Variants in CACNG2 observed in about 807,000 individuals in gnomAD.
CACNG2 encodes the protein voltage-dependent calcium channel gamma-2 subunit.
CACNG2 carries 3 observed loss-of-function variants against 25.9 expected under a neutral mutation model. The observed-to-expected ratio is 0.12, with a 90% CI of 0.05 to 0.30. The LOEUF (loss-of-function observed/expected upper bound fraction) is 0.30. Among genes scored for constraint, CACNG2 ranks in the 10% least tolerant of loss-of-function variants. The probability of loss-of-function intolerance (pLI) is 1.00; values close to 1 mark genes in which losing one functional copy is unlikely to be tolerated. For missense variants in CACNG2, 341 were observed against 432.5 expected, an observed-to-expected ratio of 0.79 and a Z score of 1.88; for synonymous variants, 167 against 173.3, an observed-to-expected ratio of 0.96 and a Z score of 0.29.
rs1347824246 is a variant in CACNG2, at chr22:36,564,099, A to AT, written c.*251dup. 4 of 352,876 alleles carry AT rather than the reference A, an allele frequency of 1.1e-5. No individual in the cohort carries two copies. The highest frequency in any genetic ancestry group is 2.0e-5 in the Non-Finnish European group (4 of 200,154). 21.9% of individuals were successfully genotyped at this position (352,876 alleles called of 1,614,324 possible). ...AAGTTTGTTTTCTTCCCTCGTTTATATTTTCCCACATTTCCTGTTGTTTTG... is the reference window on the plus strand; with the variant it reads ...AAGTTTGTTTTCTTCCCTCGTTTATATTTTTCCCACATTTCCTGTTGTTTTG... On this transcript the variant is annotated 3_prime_UTR_variant, in exon 4 of 4. Transcript: ENST00000300105. This position sits in a 1 kb window ranked among gnomAD's most constrained non-coding sequence, Gnocchi z 6.7.
intron 2 of CACNG2, among the ~76,000 whole-genome samples, chr22:36,575,412 T>C (rs918552150): frequency 1.3e-5 from 2 of 152,102 alleles, no homozygotes; most frequent in African/African-American, 2.4e-5. Context: ...GCCATCACGC[T>C]GTGACATGGT....
At chr22:36,625,988 C>T (rs1358694019) in intron 1 of CACNG2, among the ~76,000 whole-genome samples, 2 of 152,238 alleles carry the variant, frequency 1.3e-5, no homozygotes, top group East Asian at 1.9e-4. Context: ...GGCGAAATCT[C>T]GGCTCACTGC....
intron 1 of CACNG2, among the ~76,000 whole-genome samples, chr22:36,602,992 T>C (rs1344201652): frequency 6.6e-6 from 1 of 152,096 alleles, no homozygotes; most frequent in Non-Finnish European, 1.5e-5. Flanking sequence ...AATCAAAAGC[T>C]AGAAACAATT....
At chr22:36,594,612 G>A (rs2145927142) in intron 1 of CACNG2, among the ~76,000 whole-genome samples, 1 of 152,326 alleles carries the variant, frequency 6.6e-6, no homozygotes, top group East Asian at 1.9e-4. Flanking sequence ...CTGAGGAGGA[G>A]CAGGTGCCTG....
chr22:36,681,662 A>G (rs1256739506), intron 1 of CACNG2, among the ~76,000 whole-genome samples: 1 of 152,114 alleles, frequency 6.6e-6, no homozygotes, highest in African/African-American at 2.4e-5. Flanking sequence ...AGTAAAGTTG[A>G]CCATTTGTGT....
rs140413982 is a variant in CACNG2, at chr22:36,613,156, C to CTCTCTG, written c.212-25609_212-25608insCAGAGA. Among the ~76,000 whole-genome samples the CTCTCTG allele has an allele frequency of 8.5e-3, 1,238 of 146,214 alleles. 9 individuals carry two copies. The highest frequency in any genetic ancestry group is 0.017 in the Middle Eastern group (5 of 292). ...AAAAGTTCATTTCATTACAGGCTCT[C>CTCTCTG]TGTGTGTGTGTGTGTGTGTGTGTGT... On this transcript the variant is annotated intron_variant, in intron 1 of 3. Transcript: ENST00000300105.
intron 1 of CACNG2, among the ~76,000 whole-genome samples, chr22:36,644,547 G>A (rs759469195): frequency 6.6e-6 from 1 of 152,232 alleles, no homozygotes; most frequent in Non-Finnish European, 1.5e-5. Flanking sequence ...CAAACTGCAT[G>A]ATCAAGCTGA....
At chr22:36,593,073 C>T (rs1230483870) in intron 1 of CACNG2, among the ~76,000 whole-genome samples, 5 of 152,196 alleles carry the variant, frequency 3.3e-5, no homozygotes, top group South Asian at 2.1e-4. Context: ...CCTTGGGGAG[C>T]GAGGAGAGGA....
intron 2 of CACNG2, 97 bp from the exon 3 acceptor site, chr22:36,566,590 GT>G: frequency 7.7e-7 from 1 of 1,299,506 alleles, no homozygotes; most frequent in Non-Finnish European, 1.1e-6. Flanking sequence ...GGCGCTGGGG[GT>G]TTATGGACAC....
chr22:36,605,267 G>T (rs1935813649), intron 1 of CACNG2, among the ~76,000 whole-genome samples: 1 of 151,844 alleles, frequency 6.6e-6, no homozygotes, highest in Admixed American at 6.6e-5. Context: ...TAGAGATGGG[G>T]TTTCACCATG....
chr22:36,607,992 G>A (rs928599486), intron 1 of CACNG2, among the ~76,000 whole-genome samples: 1 of 152,194 alleles, frequency 6.6e-6, no homozygotes, highest in Admixed American at 6.5e-5. Flanking sequence ...AATTTAAGGA[G>A]TCCCGTAAGC....
At chr22:36,651,028 C>T (rs968922233) in intron 1 of CACNG2, among the ~76,000 whole-genome samples, 1 of 152,140 alleles carries the variant, frequency 6.6e-6, no homozygotes, top group South Asian at 2.1e-4. Context: ...TTGCAAACTT[C>T]TCTTCCTAGA....
In CACNG2 at chr22:36,583,441, A is replaced by AG. The variant is rs1280460401; in HGVS notation, c.295+4023_295+4024insC. Among the ~76,000 whole-genome samples the AG allele has an allele frequency of 7.5e-3, 1,103 of 147,190 alleles. 16 individuals carry two copies. The highest frequency in any genetic ancestry group is 0.025 in the African/African-American group (938 of 37,812). Reference sequence around the variant, plus strand: ...GAGCAAGATTCCGTCTCAAAAAAAAAAGAAAAAAAAAAAAGAATTAATTGA... The same window carrying AG: ...GAGCAAGATTCCGTCTCAAAAAAAAAGAGAAAAAAAAAAAAGAATTAATTGA... On this transcript the variant is annotated intron_variant, in intron 2 of 3. Coordinates refer to ENST00000300105, the MANE Select transcript of CACNG2 (RefSeq NM_006078.5).
chr22:36,690,320 G>T (rs1409863241), intron 1 of CACNG2, among the ~76,000 whole-genome samples: 8 of 152,232 alleles, frequency 5.3e-5, no homozygotes, highest in African/African-American at 1.7e-4. Context: ...GCTGATGGCT[G>T]CCAAGCAGGG....
chr22:36,617,303 C>T (rs1376462504), intron 1 of CACNG2, among the ~76,000 whole-genome samples: 1 of 152,118 alleles, frequency 6.6e-6, no homozygotes, highest in Non-Finnish European at 1.5e-5. Context: ...ATTACAGAGC[C>T]TAGTACAGGG....
chr22:36,572,426 TC>T (rs1200546342), intron 2 of CACNG2, among the ~76,000 whole-genome samples: 3 of 152,200 alleles, frequency 2.0e-5, no homozygotes, highest in Non-Finnish European at 4.4e-5. Context: ...AACGTGGTTG[TC>T]TTCCAATAAA....
intron 1 of CACNG2, among the ~76,000 whole-genome samples, chr22:36,601,482 A>G (rs1282406518): frequency 6.6e-6 from 1 of 152,060 alleles, no homozygotes; most frequent in East Asian, 1.9e-4. Context: ...ATGGGAGTGT[A>G]GATACCTTTT....
intron 1 of CACNG2, among the ~76,000 whole-genome samples, chr22:36,616,313 C>T (rs1603501725): frequency 6.6e-6 from 1 of 152,126 alleles, no homozygotes; most frequent in African/African-American, 2.4e-5. Context: ...TATTAAAATT[C>T]TCCCTTGTTA....
intron 1 of CACNG2, among the ~76,000 whole-genome samples, chr22:36,701,481 G>T (rs941406909): frequency 6.6e-6 from 1 of 151,846 alleles, no homozygotes; most frequent in African/African-American, 2.4e-5. Context: ...TCAACACTCC[G>T]CAAGATCAAG....
Sources: gnomAD v4.1 joint callset for allele counts (sites outside exome capture counted in the v4.1 genomes callset) on GRCh38, gnomAD v4.1.1 for gene constraint, Gnocchi (gnomAD v3.1) non-coding constraint, MANE v1.5 for transcripts, NCBI Gene and HGNC (gene_info 2026-07-23, HGNC 2026-07-21) for gene names.